The following POLR2F variants were observed in gnomAD, a reference collection of about 807,000 sequenced individuals.
POLR2F encodes the protein DNA-directed RNA polymerases I, II, and III subunit RPABC2.
In POLR2F, 12 loss-of-function variants were observed where a neutral mutation model predicts 22.7. That is an observed-to-expected ratio of 0.53 (90% CI 0.34 to 0.86). The LOEUF (loss-of-function observed/expected upper bound fraction) is 0.86. Ranked by LOEUF, POLR2F falls within the 40% of genes least tolerant of loss-of-function variation. The pLI, the probability that POLR2F is intolerant of heterozygous loss-of-function variation, is 0.02. For synonymous variants in POLR2F, 57 were observed against 66.0 expected (o/e 0.86, Z 0.66); for missense variants, 126 against 171.5 (o/e 0.73, Z 1.48).
rs749309550 is a variant in POLR2F, at chr22:38,041,073, G to C, written c.458G>C (p.Arg153Pro). 3 of 1,612,788 alleles carry C rather than the reference G, an allele frequency of 1.9e-6. No homozygotes were observed. In the African/African-American group the frequency reaches 4.0e-5, roughly 22 times the overall value. ...ATCCCTGTGTTATTTTCCAGGAGGC[G>C]GCGGCTCAGAGAGGAGTGACTCGCC... Residue 153 changes from arginine to proline, a missense_variant, in exon 6 of 6, where the codon CGG becomes CCG. Transcript: ENST00000407936.
At position 37,968,143 on chromosome 22, in the gene POLR2F, A is replaced by G; in HGVS notation, c.*428A>G. On this transcript the variant is annotated 3_prime_UTR_variant, in exon 5 of 5. Transcript: ENST00000442738. ...TCAGGAGTATCACAGAGCAGGTCTC[A>G]TCAAGCCACCCATTGTTTCCTAAGG... The G allele has an allele frequency of 1.0e-6, 1 of 986,534 alleles. No homozygotes were observed. The highest frequency in any genetic ancestry group is 1.2e-6 in the Non-Finnish European group (1 of 830,676). 61.1% of individuals were successfully genotyped at this position (986,534 alleles called of 1,614,324 possible). A position where few individuals can be genotyped will look rare whatever the true frequency, so the allele number is the denominator to read the frequency against.
chr22:38,009,553 A>AGG (rs1421504231), intron 1 of POLR2F, among the ~76,000 whole-genome samples: 1 of 152,156 alleles, frequency 6.6e-6, no homozygotes, highest in African/African-American at 2.4e-5. Flanking sequence ...CATATTGAAA[A>AGG]GGTGCACTTG....
chr22:38,007,861 G>A (rs2084836199), intron 1 of POLR2F, among the ~76,000 whole-genome samples: 1 of 152,250 alleles, frequency 6.6e-6, no homozygotes, highest in Non-Finnish European at 1.5e-5. Flanking sequence ...GCCTGCGCGA[G>A]TGAGTATAGA....
rs779081091 is a variant in POLR2F at position 37,986,708 on chromosome 22, G to C, written c.120+396G>C. The C allele has an allele frequency of 1.2e-5, 6 of 506,956 alleles. No individual in the cohort carries two copies. Among genetic ancestry groups the C allele is most frequent in the South Asian group, 7.7e-5 (5 of 64,972 alleles). The allele number at this position is 506,956 out of a possible 1,614,324, so 31.4% of individuals were successfully genotyped here. A position where few individuals can be genotyped will look rare whatever the true frequency, so the allele number is the denominator to read the frequency against. On this transcript the variant is annotated intron_variant, in intron 1 of 2. Coordinates refer to the POLR2F transcript ENST00000333418. This position sits in a 1 kb window ranked among gnomAD's most constrained non-coding sequence, Gnocchi z 4.7. Reference sequence around the variant, plus strand: ...GGTGAGGCAGGTGGGCCTGCAGGGCGGGTGGGAAGGGCTGTCAGATGACCA... The same window carrying C: ...GGTGAGGCAGGTGGGCCTGCAGGGCCGGTGGGAAGGGCTGTCAGATGACCA...
chr22:37,970,167 G>A (rs1015620391), downstream of POLR2F, among the ~76,000 whole-genome samples: 6 of 151,908 alleles, frequency 3.9e-5, no homozygotes, highest in South Asian at 4.2e-4. Flanking sequence ...GGTGGCGGGC[G>A]CCTGTAATCC....
chr22:37,967,289 A>T (rs766851978), intron 4 of POLR2F, 119 bp downstream of exon 4: 448 of 1,547,148 alleles, frequency 2.9e-4, no homozygotes, highest in Admixed American at 4.2e-4. Flanking sequence ...ATTCCTACAG[A>T]TCCTTAGGAA....
chr22:37,967,562 T>C, intron 4 of POLR2F, 63 bp from the exon 5 acceptor site: 2 of 1,596,000 alleles, frequency 1.3e-6, no homozygotes, highest in Non-Finnish European at 1.7e-6. Context: ...CACAATCTGT[T>C]CCTTCTGCGG....
At chr22:37,987,323 G>A in intron 1 of POLR2F, 1 of 456,396 alleles carries the variant, frequency 2.2e-6, no homozygotes, top group Non-Finnish European at 4.4e-6. Flanking sequence ...GGGCCCCAGA[G>A]AGGAGGAGAG....
intron 1 of POLR2F, among the ~76,000 whole-genome samples, chr22:38,002,219 G>T (rs2084777905): frequency 6.7e-6 from 1 of 149,262 alleles, no homozygotes; most frequent in Admixed American, 6.7e-5. Flanking sequence ...ACTTTTTATT[G>T]GGCCACAAAA....
downstream of POLR2F, among the ~76,000 whole-genome samples, chr22:38,028,490 G>A (rs2085034706): frequency 6.6e-6 from 1 of 151,460 alleles, no homozygotes; most frequent in Non-Finnish European, 1.5e-5. Context: ...CTGTGTGTGC[G>A]TGTGTGTGTG....
chr22:38,004,901 G>A lies in POLR2F; in HGVS notation c.120+18589G>A, dbSNP rs188299251. On this transcript the variant is annotated intron_variant, in intron 1 of 2. Transcript: ENST00000333418. Reference sequence around the variant, plus strand: ...AGAGGTTGCGGTGAGCTGAAATTGGGCCATTGCACTCTAGCCTGGGCAAAA... The same window carrying A: ...AGAGGTTGCGGTGAGCTGAAATTGGACCATTGCACTCTAGCCTGGGCAAAA... Among the ~76,000 whole-genome samples the A allele has an allele frequency of 2.4e-3, 360 of 152,264 alleles. 1 individual carries two copies. The highest frequency in any genetic ancestry group is 8.2e-3 in the African/African-American group (341 of 41,542).
Position 37,987,025 on chromosome 22 carries a change from C to T in POLR2F, c.120+713C>T, listed in dbSNP as rs542518307. The T allele has an allele frequency of 6.4e-4, 294 of 456,526 alleles. 1 individual carries two copies. Among genetic ancestry groups the T allele is most frequent in the Non-Finnish European group, 1.2e-3 (261 of 226,838 alleles). 28.3% of individuals were successfully genotyped at this position (456,526 alleles called of 1,614,324 possible). A position where few individuals can be genotyped will look rare whatever the true frequency, so the allele number is the denominator to read the frequency against. On this transcript the variant is annotated intron_variant, in intron 1 of 2. Coordinates refer to the POLR2F transcript ENST00000333418. ...GGTCCCTTTACCCCCTCATTCTTGA[C>T]CCTTCTCCAGGGATGCTTGTGACCT...
At chr22:38,020,431 A>ATTTTTTTTTTT (rs753386178) in intron 1 of POLR2F, among the ~76,000 whole-genome samples, 2 of 128,464 alleles carry the variant, frequency 1.6e-5, no homozygotes, top group African/African-American at 5.9e-5. Context: ...CACCTGGCTA[A>ATTTTTTTTTTT]TTTTTTTTTT....
At chr22:38,024,190 T>C (rs1298828392) in intron 1 of POLR2F, among the ~76,000 whole-genome samples, 1 of 152,082 alleles carries the variant, frequency 6.6e-6, no homozygotes, top group Admixed American at 6.6e-5. Flanking sequence ...AAAAATGGAA[T>C]CATATAATAT....
At position 37,986,648 on chromosome 22, in the gene POLR2F, C is replaced by A. The variant is rs1322610008; in HGVS notation, c.120+336C>A. 3.2e-6 allele frequency: 2 copies of A among 618,016 alleles called. No individual in the cohort carries two copies. The highest frequency in any genetic ancestry group is 3.0e-5 in the South Asian group (2 of 65,844). 38.3% of individuals were successfully genotyped at this position (618,016 alleles called of 1,614,324 possible). On this transcript the variant is annotated intron_variant, in intron 1 of 2. Transcript: ENST00000333418. The surrounding 1 kb of genome is among the most constrained non-coding windows in gnomAD (Gnocchi z 4.7). ...CCCCGCACAGACACTGCCTTCCTCT[C>A]AGGGCTGTGCTGGGCTTTTTGCTGA...
intron 4 of POLR2F, 33 bp downstream of exon 4, chr22:37,967,203 A>C (rs770826178): frequency 1.9e-6 from 3 of 1,607,452 alleles, no homozygotes; most frequent in Non-Finnish European, 2.6e-6. Context: ...CACTTCTCCA[A>C]ATCTCTGGGA....
chr22:37,970,293 CA>C (rs139881), downstream of POLR2F, among the ~76,000 whole-genome samples: 118 of 132,542 alleles, frequency 8.9e-4, no homozygotes, highest in Admixed American at 1.4e-3. Flanking sequence ...GACTCCGTCT[CA>C]AAAAAAAAAA....
chr22:38,023,956 C>T (rs1569183134), intron 1 of POLR2F, among the ~76,000 whole-genome samples: 2 of 152,032 alleles, frequency 1.3e-5, no homozygotes, highest in East Asian at 3.9e-4. Flanking sequence ...ATTCTCCTGC[C>T]TCAGCCTCCC....
At position 37,968,746 on chromosome 22, in the gene POLR2F, C is replaced by T; in HGVS notation, c.*1031C>T. 1 of 985,470 alleles carries T rather than the reference C, an allele frequency of 1.0e-6. No homozygotes were observed. The highest frequency in any genetic ancestry group is 1.2e-6 in the Non-Finnish European group (1 of 829,956). 61.0% of individuals were successfully genotyped at this position (985,470 alleles called of 1,614,324 possible). ...TTAACCTCCATTCCACTGCCAGCTC[C>T]CCTTCAAAGAGGAGGAGCTGGGCTT... On this transcript the variant is annotated 3_prime_UTR_variant, in exon 5 of 5. Coordinates refer to ENST00000442738, the MANE Select transcript of POLR2F (RefSeq NM_021974.5).
Sources: allele counts gnomAD v4.1 joint callset (sites outside exome capture counted in the v4.1 genomes callset), GRCh38; gene constraint gnomAD v4.1.1; non-coding constraint Gnocchi (gnomAD v3.1); transcripts MANE v1.5; gene names NCBI Gene and HGNC (gene_info 2026-07-23, HGNC 2026-07-21).